Variants in TMC7 observed in about 807,000 individuals in gnomAD.
The protein encoded by TMC7 is transmembrane channel like 7.
TMC7 carries 54 observed loss-of-function variants against 82.9 expected under a neutral mutation model. That is an observed-to-expected ratio of 0.65 (90% CI 0.52 to 0.82). The LOEUF is 0.82. Ranked by LOEUF, TMC7 falls within the 40% of genes least tolerant of loss-of-function variation. The probability of loss-of-function intolerance (pLI) is 0.00; values close to 1 mark genes in which losing one functional copy is unlikely to be tolerated. For missense variants in TMC7, 820 were observed against 901.2 expected, an observed-to-expected ratio of 0.91 and a Z score of 1.15; for synonymous variants, 350 against 337.9, an observed-to-expected ratio of 1.04 and a Z score of -0.39.
intron 1 of TMC7, among the ~76,000 whole-genome samples, chr16:18,999,878 C>T (rs1364517380): frequency 1.3e-5 from 2 of 152,112 alleles, no homozygotes; most frequent in Admixed American, 6.5e-5. Context: ...ATTCTCCTGC[C>T]TCAGCCTCCA....
At chr16:19,024,685 A>G (rs1048695458) in intron 5 of TMC7, among the ~76,000 whole-genome samples, 5 of 151,992 alleles carry the variant, frequency 3.3e-5, no homozygotes, top group African/African-American at 4.8e-5. Context: ...AGCTAGGACT[A>G]CAGGCGTGCA....
intron 5 of TMC7, among the ~76,000 whole-genome samples, chr16:19,023,621 A>C (rs948073208): frequency 2.6e-5 from 4 of 151,968 alleles, no homozygotes; most frequent in Admixed American, 6.6e-5. Context: ...TAATTTTTGT[A>C]TTTTTAGTAG....
chr16:19,023,046 A>G (rs1960054816), intron 4 of TMC7, 67 bp from the exon 5 acceptor site: 1 of 999,800 alleles, frequency 1.0e-6, no homozygotes, highest in Non-Finnish European at 1.5e-6. Flanking sequence ...CAAACAAACA[A>G]AAAAACCAGG....
intron 1 of TMC7, among the ~76,000 whole-genome samples, chr16:18,998,753 CAAA>C (rs36110318): frequency 1.9e-4 from 27 of 145,940 alleles, no homozygotes; most frequent in Admixed American, 2.7e-4. Flanking sequence ...GACTCTGTCT[CAAA>C]AAAAAAAAAA....
chr16:19,035,651 A>G, intron 6 of TMC7, 25 bp from the exon 7 acceptor site: 1 of 1,614,078 alleles, frequency 6.2e-7, no homozygotes, highest in South Asian at 1.1e-5. Context: ...TTTCTATAAG[A>G]AGGATGATTG....
intron 3 of TMC7, 65 bp from the exon 4 acceptor site, chr16:19,021,564 T>C (rs1959976015): frequency 6.6e-7 from 1 of 1,525,658 alleles, no homozygotes; most frequent in Admixed American, 1.9e-5. Flanking sequence ...TTGTGGCTGA[T>C]TGAATCTATG....
chr16:18,993,097 A>G (rs2038980399), intron 1 of TMC7, among the ~76,000 whole-genome samples: 2 of 152,184 alleles, frequency 1.3e-5, no homozygotes, highest in African/African-American at 4.8e-5. Context: ...AGAGATGGCT[A>G]GGAGAGAGTG....
At chr16:19,047,988 C>T (rs570673178) in intron 12 of TMC7, among the ~76,000 whole-genome samples, 16 of 152,206 alleles carry the variant, frequency 1.1e-4, no homozygotes, top group South Asian at 4.2e-4. Flanking sequence ...CGTGAGCCAC[C>T]GCACCCGGCC....
At chr16:19,035,187 C>T (rs4644848) in intron 6 of TMC7, among the ~76,000 whole-genome samples, 151,816 of 152,326 alleles carry the variant, frequency 1, 75,657 homozygotes, top group Middle Eastern at 1. Flanking sequence ...GAAAACCAAA[C>T]ACCGCATGTT....
chr16:19,054,848 G>A (rs1961701575), intron 13 of TMC7, among the ~76,000 whole-genome samples: 1 of 144,456 alleles, frequency 6.9e-6, no homozygotes. Flanking sequence ...AGGTTCAAGC[G>A]ATTCTCCTGT....
intron 6 of TMC7, among the ~76,000 whole-genome samples, chr16:19,032,238 A>G (rs12930676): frequency 0.47 from 71,444 of 152,064 alleles, 20,302 homozygotes; most frequent in East Asian, 0.72. Flanking sequence ...CTGGCCCTCC[A>G]TAAGGACCAG....
chr16:19,059,005 GT>G (rs1263387896), intron 14 of TMC7, among the ~76,000 whole-genome samples: 1 of 152,186 alleles, frequency 6.6e-6, no homozygotes, highest in African/African-American at 2.4e-5. Flanking sequence ...AGCCTCCTGA[GT>G]AGCTGGGATT....
intron 3 of TMC7, among the ~76,000 whole-genome samples, chr16:19,020,893 A>AAATAAAT (rs1567513347): frequency 4.4e-5 from 5 of 114,704 alleles, no homozygotes; most frequent in African/African-American, 8.8e-5. Flanking sequence ...AATAAATAAA[A>AAATAAAT]GCCAGATATC....
In TMC7 at chr16:19,063,756, T is replaced by A. The variant is rs776806149; in HGVS notation, c.*1913T>A. 6 of 152,050 alleles carry A rather than the reference T, an allele frequency of 3.9e-5. No homozygotes were observed. Among genetic ancestry groups the A allele is most frequent in the South Asian group, 2.1e-4 (1 of 4,818 alleles). 9.4% of individuals were successfully genotyped at this position (152,050 alleles called of 1,614,324 possible). A position where few individuals can be genotyped will look rare whatever the true frequency, so the allele number is the denominator to read the frequency against. On this transcript the variant is annotated 3_prime_UTR_variant, in exon 16 of 16. Coordinates refer to ENST00000304381, the MANE Select transcript of TMC7 (RefSeq NM_024847.4). ...TCCTATTATAAAAGTGATACTGAAA[T>A]ATGCTAATTAATATATTAATTTTAG... is the stretch of plus-strand genomic sequence containing the variant.
intron 11 of TMC7, 21 bp downstream of exon 11, chr16:19,045,459 T>A (rs1186473207): frequency 1.3e-6 from 2 of 1,542,234 alleles, no homozygotes; most frequent in Non-Finnish European, 1.8e-6. Flanking sequence ...GGGGTGCCCA[T>A]ATTATCCCCC....
chr16:19,001,468 C>T (rs888297397), intron 1 of TMC7, among the ~76,000 whole-genome samples: 3 of 152,098 alleles, frequency 2.0e-5, no homozygotes, highest in African/African-American at 4.8e-5. Flanking sequence ...ATCACTTGAG[C>T]CCAGAAGTTC....
chr16:19,040,047 C>T (rs35247159), intron 8 of TMC7, among the ~76,000 whole-genome samples: 45,444 of 137,324 alleles, frequency 0.33, 7,242 homozygotes, highest in Admixed American at 0.36. Context: ...ACCTGGGAGA[C>T]GGAGGTTGCA....
rs1211636995 is a variant in TMC7, at chr16:18,983,982, C to G, written c.-82C>G. 2 of 1,311,608 alleles carry G rather than the reference C, an allele frequency of 1.5e-6. No homozygotes were observed. Among genetic ancestry groups the G allele is most frequent in the Non-Finnish European group, 1.9e-6 (2 of 1,027,502 alleles). 81.2% of individuals were successfully genotyped at this position (1,311,608 alleles called of 1,614,324 possible). On this transcript the variant is annotated 5_prime_UTR_variant, in exon 1 of 16. Coordinates refer to ENST00000304381, the MANE Select transcript of TMC7 (RefSeq NM_024847.4). The stretch of plus-strand genomic sequence containing the variant: ...GCCGGAACCTGGAATCCCGGCTCCG[C>G]GAGGGAAGGCCGGGGAGGCGGCGGC...
At chr16:18,993,782 C>T (rs747819942) in intron 1 of TMC7, among the ~76,000 whole-genome samples, 18 of 152,102 alleles carry the variant, frequency 1.2e-4, no homozygotes, top group Non-Finnish European at 1.9e-4. Flanking sequence ...TATTTAGAGT[C>T]AGTATAAATA....
Sources: allele counts gnomAD v4.1 joint callset (sites outside exome capture counted in the v4.1 genomes callset), GRCh38; gene constraint gnomAD v4.1.1; transcripts MANE v1.5; gene names NCBI Gene and HGNC (gene_info 2026-07-23, HGNC 2026-07-21).